PCDH15: variants seen among roughly 807,000 people sequenced by gnomAD.
The protein encoded by PCDH15 is protocadherin-15.
Under a neutral mutation model 178.5 loss-of-function variants are expected in PCDH15, and 129 were observed. The ratio of observed to expected loss-of-function variants is 0.72; its 90% CI spans 0.63 to 0.84. The LOEUF is 0.84. Ranked by LOEUF, PCDH15 falls within the 40% of genes least tolerant of loss-of-function variation. PCDH15 has a pLI of 0.00. For missense variants in PCDH15, 2,230 were observed against 2,099.9 expected (o/e 1.06, Z -1.21); for synonymous variants, 800 against 732.0 (o/e 1.09, Z -1.50).
chr10:54,243,676 A>G (rs2055637988), intron 8 of PCDH15, among the ~76,000 whole-genome samples: 1 of 152,162 alleles, frequency 6.6e-6, no homozygotes, highest in Non-Finnish European at 1.5e-5. Context: ...ATTCATATAG[A>G]CATAAATACA....
At chr10:54,633,892 G>A (rs2093771529) in intron 2 of PCDH15, among the ~76,000 whole-genome samples, 1 of 152,080 alleles carries the variant, frequency 6.6e-6, no homozygotes, top group African/African-American at 2.4e-5. Context: ...GTGTTTTAGA[G>A]AAAATGTCTT....
chr10:55,000,412 T>C (rs187900687), intron 2 of PCDH15, among the ~76,000 whole-genome samples: 1 of 152,364 alleles, frequency 6.6e-6, no homozygotes, highest in Non-Finnish European at 1.5e-5. Flanking sequence ...AGGTTATCTC[T>C]CTTGTTCCCT....
chr10:54,938,916 G>C (rs2131860981), intron 2 of PCDH15, among the ~76,000 whole-genome samples: 1 of 152,244 alleles, frequency 6.6e-6, no homozygotes, highest in Middle Eastern at 3.4e-3. Context: ...ATTGTGGCTA[G>C]CATCTAGATT....
intron 28 of PCDH15, among the ~76,000 whole-genome samples, chr10:53,855,415 C>A (rs1261260798): frequency 6.6e-6 from 1 of 152,012 alleles, no homozygotes; most frequent in Non-Finnish European, 1.5e-5. Context: ...ATATAAACTA[C>A]TTCTGCAGAA....
chr10:55,182,798 G>A (rs1354177973), intron 1 of PCDH15, among the ~76,000 whole-genome samples: 4 of 151,972 alleles, frequency 2.6e-5, no homozygotes, highest in African/African-American at 7.2e-5. Context: ...TTTTAGTTCC[G>A]AGAAATGACT....
intron 2 of PCDH15, among the ~76,000 whole-genome samples, chr10:55,084,435 A>G (rs1842113395): frequency 6.7e-6 from 1 of 148,246 alleles, no homozygotes; most frequent in African/African-American, 2.5e-5. Flanking sequence ...AAATTGATTA[A>G]AGACTTAAAT....
chr10:54,672,115 T>C (rs546550042), intron 1 of PCDH15, among the ~76,000 whole-genome samples: 5 of 152,196 alleles, frequency 3.3e-5, no homozygotes, highest in South Asian at 2.1e-4. Context: ...TCTGTCATTG[T>C]CTCTCATTAT....
intron 1 of PCDH15, among the ~76,000 whole-genome samples, chr10:54,739,676 A>G (rs1944545247): frequency 6.6e-6 from 1 of 152,010 alleles, no homozygotes. Context: ...TGATGCCGTC[A>G]TAGAAATATA....
chr10:55,034,458 T>C (rs187051949), intron 2 of PCDH15, among the ~76,000 whole-genome samples: 4 of 152,300 alleles, frequency 2.6e-5, no homozygotes, highest in East Asian at 3.9e-4. Context: ...TTAGATTACT[T>C]TGGCATATTT....
chr10:55,484,256 G>T (rs1840250475), intron 2 of PCDH15, among the ~76,000 whole-genome samples: 1 of 151,604 alleles, frequency 6.6e-6, no homozygotes, highest in Non-Finnish European at 1.5e-5. Context: ...TTTTACCTAT[G>T]TTGCAAACCT....
At chr10:55,536,892 C>A (rs1841590006) in intron 2 of PCDH15, among the ~76,000 whole-genome samples, 1 of 152,084 alleles carries the variant, frequency 6.6e-6, no homozygotes, top group Admixed American at 6.6e-5. Context: ...TCTTTTTTTA[C>A]AGACATGAGC....
chr10:53,968,651 A>G (rs1051477640), intron 21 of PCDH15, among the ~76,000 whole-genome samples: 3 of 152,192 alleles, frequency 2.0e-5, no homozygotes, highest in African/African-American at 7.2e-5. Flanking sequence ...TCTGAGACGA[A>G]GCTTCCAGAG....
intron 2 of PCDH15, among the ~76,000 whole-genome samples, chr10:54,584,539 G>A (rs1431171988): frequency 6.6e-6 from 1 of 151,976 alleles, no homozygotes; most frequent in Non-Finnish European, 1.5e-5. Context: ...TCTATCCAGG[G>A]TAATATATTA....
At chr10:54,627,848 C>T (rs759441898) in intron 2 of PCDH15, among the ~76,000 whole-genome samples, 2 of 152,160 alleles carry the variant, frequency 1.3e-5, no homozygotes, top group Non-Finnish European at 2.9e-5. Context: ...GCAGTTCTCA[C>T]AGGCCAAGGT....
At chr10:55,452,048 T>C (rs1292981486) in intron 2 of PCDH15, among the ~76,000 whole-genome samples, 1 of 152,218 alleles carries the variant, frequency 6.6e-6, no homozygotes, top group African/African-American at 2.4e-5. Flanking sequence ...GTCTTAAAAA[T>C]GTTGTATATT....
intron 2 of PCDH15, among the ~76,000 whole-genome samples, chr10:55,523,785 G>A (rs1014895633): frequency 6.6e-6 from 1 of 151,450 alleles, no homozygotes; most frequent in African/African-American, 2.4e-5. Context: ...ATTGCTTAAG[G>A]CCAACATCTA....
rs151231808 is a variant in PCDH15 at position 55,316,263 on chromosome 10, G to C, written c.-156+3336C>G. ...TTTTTCTCAAACTCAGTGATTACCT[G>C]TCAGGGAAACTTACAGCTTGACAAG... On this transcript the variant is annotated intron_variant, in intron 1 of 5. Transcript: ENST00000458638. Among the ~76,000 whole-genome samples, 27 of 152,156 alleles carry C rather than the reference G, an allele frequency of 1.8e-4. No individual in the cohort carries two copies. The East Asian group carries it at 4.8e-3, about 27-fold the overall frequency.
At chr10:53,908,975 A>C (rs1450338276) in intron 25 of PCDH15, among the ~76,000 whole-genome samples, 2 of 152,198 alleles carry the variant, frequency 1.3e-5, no homozygotes, top group African/African-American at 4.8e-5. Flanking sequence ...TTTAAGCTTT[A>C]CGGGTATATT....
At position 53,905,944 on chromosome 10, in the gene PCDH15, C is replaced by A. The variant is rs1589353626; in HGVS notation, c.3374-2574G>T. On this transcript the variant is annotated intron_variant, in intron 25 of 37. Coordinates refer to ENST00000644397, the MANE Select transcript of PCDH15 (RefSeq NM_001384140.1). ...TCCAGAATACTTCACAACCAGCACA[C>A]AAACAAAATCTCAAGAACATTGTTT... Among the ~76,000 whole-genome samples the A allele has an allele frequency of 2.0e-5, 3 of 151,930 alleles. No homozygotes were observed. In the South Asian group the frequency reaches 6.2e-4, roughly 31 times the overall value.
Sources: gnomAD v4.1 joint callset for allele counts (sites outside exome capture counted in the v4.1 genomes callset) on GRCh38, gnomAD v4.1.1 for gene constraint, MANE v1.5 for transcripts, NCBI Gene and HGNC (gene_info 2026-07-23, HGNC 2026-07-21) for gene names.